ANKRD28: variants seen among roughly 807,000 people sequenced by gnomAD.
ANKRD28 encodes serine/threonine-protein phosphatase 6 regulatory ankyrin repeat subunit A.
A neutral mutation model predicts 126.5 loss-of-function variants in ANKRD28; 44 were observed. That is an observed-to-expected ratio of 0.35 (90% CI 0.27 to 0.45). The LOEUF (loss-of-function observed/expected upper bound fraction) is 0.45, where lower values mean the gene tolerates loss of function less well. Ranked by LOEUF, ANKRD28 falls within the 20% of genes least tolerant of loss-of-function variation. The pLI, the probability that ANKRD28 is intolerant of heterozygous loss-of-function variation, is 1.00. For missense variants in ANKRD28, 1,110 were observed against 1,316.6 expected, an observed-to-expected ratio of 0.84 and a Z score of 2.43; for synonymous variants, 442 against 468.5, an observed-to-expected ratio of 0.94 and a Z score of 0.73.
intron 1 of ANKRD28, among the ~76,000 whole-genome samples, chr3:15,806,873 G>A (rs1013958019): frequency 1.3e-5 from 2 of 152,032 alleles, no homozygotes; most frequent in African/African-American, 4.8e-5. Context: ...CTATGTAATA[G>A]AATATTAAAC....
intron 1 of ANKRD28, among the ~76,000 whole-genome samples, chr3:15,842,885 C>A (rs899758615): frequency 6.6e-6 from 1 of 152,136 alleles, no homozygotes; most frequent in African/African-American, 2.4e-5. Flanking sequence ...CTGCTTTACA[C>A]TGAAGAAAAC....
intron 1 of ANKRD28, among the ~76,000 whole-genome samples, chr3:15,811,086 T>A (rs9848007): frequency 0.53 from 81,016 of 152,000 alleles, 22,461 homozygotes; most frequent in Admixed American, 0.61. Flanking sequence ...TTATTTTTTA[T>A]CTAAATAACC....
At chr3:15,734,479 G>A (rs1030821020) in intron 6 of ANKRD28, among the ~76,000 whole-genome samples, 7 of 152,174 alleles carry the variant, frequency 4.6e-5, no homozygotes, top group Admixed American at 2.0e-4. Context: ...CCACCCAGGA[G>A]TTAAAATAGC....
chr3:15,694,517 CTT>C (rs376633083), intron 17 of ANKRD28, among the ~76,000 whole-genome samples: 1 of 142,638 alleles, frequency 7.0e-6, no homozygotes, highest in Admixed American at 7.0e-5. Context: ...CACTGTCTGT[CTT>C]TTTTTTTTTT....
chr3:15,689,188 C>T (rs1441381677), intron 18 of ANKRD28, among the ~76,000 whole-genome samples: 7 of 152,176 alleles, frequency 4.6e-5, no homozygotes, highest in Non-Finnish European at 1.0e-4. Context: ...AAGAGCCAAG[C>T]TGACATTTTT....
chr3:15,791,966 C>T (rs1274372937), intron 2 of ANKRD28, among the ~76,000 whole-genome samples: 1 of 152,096 alleles, frequency 6.6e-6, no homozygotes, highest in Non-Finnish European at 1.5e-5. Flanking sequence ...CAAAAGAAGA[C>T]ACACAAATGG....
chr3:15,696,070 T>C lies in ANKRD28; in HGVS notation c.1659+64A>G. On this transcript the variant is annotated intron_variant, in intron 15 of 27. Transcript: ENST00000683139. ...TTGTTCCTTGATCCATTTATTCTCA[T>C]TTTTGTTACATTATTAGACTATAAA... 3.5e-6 allele frequency: 4 copies of C among 1,130,618 alleles called. No individual in the cohort carries two copies. The South Asian group carries it at 4.4e-5, about 13-fold the overall frequency. 70.0% of individuals were successfully genotyped at this position (1,130,618 alleles called of 1,614,324 possible).
chr3:15,757,689 C>T (rs928672053), intron 3 of ANKRD28, among the ~76,000 whole-genome samples: 3 of 152,124 alleles, frequency 2.0e-5, no homozygotes, highest in African/African-American at 7.2e-5. Context: ...TGGGCCCTCA[C>T]CAGATACCAA....
At chr3:15,675,748 G>T in intron 27 of ANKRD28, 150 bp downstream of exon 27, 1 of 555,360 alleles carries the variant, frequency 1.8e-6, no homozygotes, top group Non-Finnish European at 3.0e-6. Context: ...TATTTCTTTT[G>T]CCCTTATTCC....
At chr3:15,681,641 G>C (rs1431505056) in intron 21 of ANKRD28, among the ~76,000 whole-genome samples, 2 of 152,022 alleles carry the variant, frequency 1.3e-5, no homozygotes, top group Admixed American at 1.3e-4. Flanking sequence ...AACTTAATCA[G>C]CTTAAACTTT....
rs546192083 is a variant in ANKRD28, at chr3:15,673,728, CAG to C, written c.2965+2168_2965+2169del. ...AATTTAGTCATGGGATGTTTGGGGACAGAGTGTTCAGGCAGAGTAAACAGCCA... is the reference window on the plus strand; with the variant it reads ...AATTTAGTCATGGGATGTTTGGGGACAGTGTTCAGGCAGAGTAAACAGCCA... On this transcript the variant is annotated intron_variant, in intron 27 of 27. Coordinates refer to ENST00000683139, the MANE Select transcript of ANKRD28 (RefSeq NM_001349278.2). 3.2e-4 allele frequency among the ~76,000 whole-genome samples: 48 copies of C among 152,074 alleles called. 1 individual carries two copies. The highest frequency in any genetic ancestry group is 8.4e-4 in the African/African-American group (35 of 41,472).
At chr3:15,821,060 G>A (rs976909356) in intron 1 of ANKRD28, among the ~76,000 whole-genome samples, 3 of 152,118 alleles carry the variant, frequency 2.0e-5, no homozygotes, top group African/African-American at 7.2e-5. Flanking sequence ...TCCATTGCCG[G>A]ATGTTTAGTA....
chr3:15,694,659 G>T, intron 17 of ANKRD28, 80 bp downstream of exon 17: 1 of 1,248,962 alleles, frequency 8.0e-7, no homozygotes, highest in Non-Finnish European at 1.2e-6. Context: ...TATGGTACTA[G>T]TTTGAGTCAA....
chr3:15,799,635 T>C (rs2060417817), upstream of ANKRD28, among the ~76,000 whole-genome samples: 1 of 152,096 alleles, frequency 6.6e-6, no homozygotes, highest in Admixed American at 6.6e-5. Context: ...CTATATTTCA[T>C]CTTCAGGGTT....
intron 4 of ANKRD28, among the ~76,000 whole-genome samples, chr3:15,741,148 G>T (rs776037603): frequency 1.3e-5 from 2 of 151,948 alleles, no homozygotes; most frequent in Non-Finnish European, 2.9e-5. Context: ...GCAGTGAGCC[G>T]AGATCGCGCC....
chr3:15,743,928 A>T (rs1473011340), intron 4 of ANKRD28, among the ~76,000 whole-genome samples: 1 of 152,232 alleles, frequency 6.6e-6, no homozygotes, highest in Non-Finnish European at 1.5e-5. Flanking sequence ...TGTCCTTAGG[A>T]GAATTTAGAA....
Position 15,831,089 on chromosome 3 carries a change from A to G in ANKRD28, c.27+28288T>C, listed in dbSNP as rs186482276. The stretch of plus-strand genomic sequence containing the variant: ...ACCTCTGTCCTATGCACCTTTACCC[A>G]CTGTTGGTTTTAATCCGTATTCTTT... On this transcript the variant is annotated intron_variant, in intron 1 of 27. Transcript: ENST00000399451. 1.9e-3 allele frequency among the ~76,000 whole-genome samples: 295 copies of G among 152,210 alleles called. 1 individual carries two copies. Among genetic ancestry groups the G allele is most frequent in the African/African-American group, 6.5e-3 (270 of 41,536 alleles).
chr3:15,766,130 A>G, intron 3 of ANKRD28, 104 bp downstream of exon 3: 1 of 818,608 alleles, frequency 1.2e-6, no homozygotes, highest in Non-Finnish European at 1.9e-6. Context: ...GATAAAACAA[A>G]TATGAACAAC....
At chr3:15,856,851 A>C (rs1227114092) in intron 1 of ANKRD28, among the ~76,000 whole-genome samples, 1 of 152,232 alleles carries the variant, frequency 6.6e-6, no homozygotes, top group Non-Finnish European at 1.5e-5. Context: ...TAGTTTACAA[A>C]GCCAAAAGAA....
Sources: gnomAD v4.1 joint callset for allele counts (sites outside exome capture counted in the v4.1 genomes callset) on GRCh38, gnomAD v4.1.1 for gene constraint, MANE v1.5 for transcripts, NCBI Gene and HGNC (gene_info 2026-07-23, HGNC 2026-07-21) for gene names.